SLC35F4: variants seen among roughly 807,000 people sequenced by gnomAD.
SLC35F4 encodes solute carrier family 35 member F4.
A neutral mutation model predicts 44.2 loss-of-function variants in SLC35F4; 24 were observed. That is an observed-to-expected ratio of 0.54 (90% CI 0.39 to 0.76). The LOEUF (loss-of-function observed/expected upper bound fraction) is 0.76. SLC35F4 is among the 30% of genes least tolerant of loss of function. The pLI is 0.00. For missense variants in SLC35F4, 562 were observed against 586.1 expected (o/e 0.96, Z 0.42); for synonymous variants, 238 against 223.6 (o/e 1.06, Z -0.57).
intron 1 of SLC35F4, among the ~76,000 whole-genome samples, chr14:57,712,426 G>A (rs1236817562): frequency 6.6e-6 from 1 of 152,186 alleles, no homozygotes; most frequent in Non-Finnish European, 1.5e-5. Context: ...GCTAGTGAAA[G>A]GTAAAATTGC....
chr14:57,981,154 C>CA, intron 1 of SLC35F4, among the ~76,000 whole-genome samples: 1 of 152,298 alleles, frequency 6.6e-6, no homozygotes, highest in East Asian at 1.9e-4. Flanking sequence ...CTTGTAGCAG[C>CA]AAAAATGTCG....
intron 1 of SLC35F4, among the ~76,000 whole-genome samples, chr14:57,927,302 C>G (rs1239931214): frequency 6.6e-6 from 1 of 152,114 alleles, no homozygotes; most frequent in Non-Finnish European, 1.5e-5. Context: ...CATTTCCTTG[C>G]GTCTCAAAAG....
chr14:57,635,058 T>G (rs140755110), intron 1 of SLC35F4, among the ~76,000 whole-genome samples: 3,139 of 152,104 alleles, frequency 0.021, 43 homozygotes, highest in Middle Eastern at 0.037. Flanking sequence ...AAGACAAACC[T>G]GGGCATCATA....
chr14:57,615,035 T>A (rs1388243011), intron 1 of SLC35F4, among the ~76,000 whole-genome samples: 3 of 152,244 alleles, frequency 2.0e-5, no homozygotes, highest in Admixed American at 6.5e-5. Context: ...AGAAATTCTA[T>A]GAAAATTTCA....
At position 57,829,276 on chromosome 14, in the gene SLC35F4, G is replaced by A. The variant is rs17093715; in HGVS notation, c.103+36447C>T. Among the ~76,000 whole-genome samples the A allele has an allele frequency of 6.3e-3, 963 of 152,308 alleles. 11 individuals are homozygous for A. The highest frequency in any genetic ancestry group is 0.034 in the Middle Eastern group (10 of 294). ...ATAACCAGGCAGCTGGGATCACTGT[G>A]AGCAGAAGCGCTCTGGCAGGAGAGA... On this transcript the variant is annotated intron_variant, in intron 1 of 7. Transcript: ENST00000556826.
At chr14:57,770,789 A>G (rs1444728374) in intron 1 of SLC35F4, among the ~76,000 whole-genome samples, 1 of 152,196 alleles carries the variant, frequency 6.6e-6, no homozygotes, top group African/African-American at 2.4e-5. Flanking sequence ...CAATGCTTGG[A>G]ACTTTCAGGA....
At chr14:57,652,389 C>T (rs2073813537) in intron 1 of SLC35F4, among the ~76,000 whole-genome samples, 1 of 152,222 alleles carries the variant, frequency 6.6e-6, no homozygotes, top group East Asian at 1.9e-4. Context: ...ATCCAACCAT[C>T]ATGGGTCCTC....
chr14:57,624,542 G>T (rs2072371501), intron 1 of SLC35F4, among the ~76,000 whole-genome samples: 1 of 152,158 alleles, frequency 6.6e-6, no homozygotes, highest in Non-Finnish European at 1.5e-5. Context: ...GAACATTGAT[G>T]TGAAAATCCT....
At chr14:57,739,541 T>C (rs898139043) in intron 1 of SLC35F4, among the ~76,000 whole-genome samples, 1 of 152,184 alleles carries the variant, frequency 6.6e-6, no homozygotes, top group Non-Finnish European at 1.5e-5. Context: ...CTCTTCCTCT[T>C]CTTCTTTTAA....
chr14:57,921,788 C>G (rs8022973), intron 1 of SLC35F4, among the ~76,000 whole-genome samples: 1 of 152,132 alleles, frequency 6.6e-6, no homozygotes, highest in Admixed American at 6.5e-5. Flanking sequence ...TTTAGTATGA[C>G]CTCGTCTGAA....
At chr14:57,848,348 A>C (rs1886217657) in intron 1 of SLC35F4, among the ~76,000 whole-genome samples, 1 of 152,208 alleles carries the variant, frequency 6.6e-6, no homozygotes, top group Non-Finnish European at 1.5e-5. Flanking sequence ...GGCATGGTTG[A>C]AGACTGCGGT....
At chr14:57,675,709 G>A (rs2074671587) in intron 1 of SLC35F4, among the ~76,000 whole-genome samples, 1 of 151,768 alleles carries the variant, frequency 6.6e-6, no homozygotes, top group Admixed American at 6.6e-5. Context: ...TTTTGTTGAG[G>A]GTTTTTATCA....
intron 4 of SLC35F4, among the ~76,000 whole-genome samples, chr14:57,578,323 C>CTTTT (rs2068952267): frequency 2.1e-4 from 7 of 33,164 alleles, no homozygotes; most frequent in South Asian, 1.1e-3. Flanking sequence ...ATCCCTTTAA[C>CTTTT]TGTTTTTTTT....
intron 1 of SLC35F4, among the ~76,000 whole-genome samples, chr14:57,689,092 T>C (rs1381940404): frequency 6.6e-6 from 1 of 152,152 alleles, no homozygotes; most frequent in African/African-American, 2.4e-5. Context: ...CTATCCTCTC[T>C]TTCTCCACTG....
chr14:57,764,715 T>G (rs1434219023), intron 1 of SLC35F4, among the ~76,000 whole-genome samples: 1 of 152,206 alleles, frequency 6.6e-6, no homozygotes, highest in South Asian at 2.1e-4. Context: ...GTGTAGCAGA[T>G]GACCTTGGTT....
At chr14:57,738,806 GTA>G (rs35484116) in intron 1 of SLC35F4, among the ~76,000 whole-genome samples, 108 of 118,818 alleles carry the variant, frequency 9.1e-4, no homozygotes, top group Middle Eastern at 8.8e-3. Flanking sequence ...ATGTATACAT[GTA>G]TATATATATG....
At chr14:57,805,301 T>G (rs1159410426) in intron 1 of SLC35F4, among the ~76,000 whole-genome samples, 2 of 152,162 alleles carry the variant, frequency 1.3e-5, no homozygotes, top group African/African-American at 4.8e-5. Context: ...AATCATTATA[T>G]TATAAAGATA....
intron 4 of SLC35F4, among the ~76,000 whole-genome samples, chr14:57,575,987 C>CTTTTTTTTT (rs77706039): frequency 6.7e-6 from 1 of 148,756 alleles, no homozygotes; most frequent in Non-Finnish European, 1.5e-5. Context: ...TTTCTTGTAT[C>CTTTTTTTTT]TTTTTTTTTT....
At chr14:57,956,506 C>T (rs1489071688) in intron 1 of SLC35F4, among the ~76,000 whole-genome samples, 1 of 152,130 alleles carries the variant, frequency 6.6e-6, no homozygotes, top group African/African-American at 2.4e-5. Context: ...AACAGGCAAC[C>T]TACAGAACGG....
Sources: gnomAD v4.1 joint callset for allele counts (sites outside exome capture counted in the v4.1 genomes callset) on GRCh38, gnomAD v4.1.1 for gene constraint, MANE v1.5 for transcripts, NCBI Gene and HGNC (gene_info 2026-07-23, HGNC 2026-07-21) for gene names.